Variants in EMC8 observed in about 807,000 individuals in gnomAD.
The protein encoded by EMC8 is COX4 neighbor.
Under a neutral mutation model 24.3 loss-of-function variants are expected in EMC8, and 11 were observed. The ratio of observed to expected loss-of-function variants is 0.45; its 90% CI spans 0.28 to 0.75. The LOEUF is 0.75. Ranked by LOEUF, EMC8 falls within the 30% of genes least tolerant of loss-of-function variation. The pLI is 0.12. For missense variants in EMC8, 277 were observed against 282.7 expected, an observed-to-expected ratio of 0.98 and a Z score of 0.14; for synonymous variants, 145 against 117.7, an observed-to-expected ratio of 1.23 and a Z score of -1.50.
intron 1 of EMC8, among the ~76,000 whole-genome samples, chr16:85,790,720 T>C (rs1904968305): frequency 6.6e-6 from 1 of 152,128 alleles, no homozygotes; most frequent in Non-Finnish European, 1.5e-5. Flanking sequence ...CCCCCGGGTG[T>C]CCCTATCCCT....
chr16:85,781,142 G>A (rs532450892), intron 3 of EMC8, 69 bp downstream of exon 3: 92 of 1,139,046 alleles, frequency 8.1e-5, no homozygotes, highest in Admixed American at 5.3e-4. Flanking sequence ...GGAAACCGCC[G>A]CAGAGCAAGC....
rs59617601 is a variant in EMC8, at chr16:85,779,699, G to A, written c.*9C>T. 1.2e-4 allele frequency: 200 copies of A among 1,613,452 alleles called. No homozygotes were observed. In the African/African-American group the frequency reaches 2.3e-3, roughly 18 times the overall value. Reference sequence around the variant, plus strand: ...GAAAGGCCCGGAGCCCAGTCACAGCGGTGCCTGCCTAGCACAAGTGTAGGA... The same window carrying A: ...GAAAGGCCCGGAGCCCAGTCACAGCAGTGCCTGCCTAGCACAAGTGTAGGA... On this transcript the variant is annotated 3_prime_UTR_variant, in exon 5 of 5. Coordinates refer to ENST00000253457, the MANE Select transcript of EMC8 (RefSeq NM_006067.5).
chr16:85,782,071 C>T (rs1448093921), intron 2 of EMC8, among the ~76,000 whole-genome samples: 3 of 152,194 alleles, frequency 2.0e-5, no homozygotes, highest in Non-Finnish European at 2.9e-5. Flanking sequence ...TAACGGAAGG[C>T]TCCCAGGAAG....
intron 1 of EMC8, among the ~76,000 whole-genome samples, chr16:85,793,616 C>T (rs1019838204): frequency 2.6e-5 from 4 of 152,120 alleles, no homozygotes; most frequent in South Asian, 2.1e-4. Flanking sequence ...GGGCAGCCGC[C>T]GTGCAGAGGA....
intron 2 of EMC8, among the ~76,000 whole-genome samples, chr16:85,785,255 A>AT (rs1904699899): frequency 6.6e-6 from 1 of 152,154 alleles, no homozygotes; most frequent in Non-Finnish European, 1.5e-5. Flanking sequence ...CCTAAAATTT[A>AT]TTATTTTAAA....
intron 1 of EMC8, among the ~76,000 whole-genome samples, chr16:85,789,914 G>A (rs1276626293): frequency 1.3e-5 from 2 of 152,178 alleles, no homozygotes; most frequent in Non-Finnish European, 2.9e-5. Context: ...AGGGGCACGT[G>A]CACATGTCCT....
In EMC8 at chr16:85,778,937, G is replaced by C. The variant is rs1171449886; in HGVS notation, c.*771C>G. 1.2e-4 allele frequency: 19 copies of C among 152,210 alleles called. No individual in the cohort carries two copies. 9.4% of individuals were successfully genotyped at this position (152,210 alleles called of 1,614,324 possible). On this transcript the variant is annotated 3_prime_UTR_variant, in exon 5 of 5. Coordinates refer to ENST00000253457, the MANE Select transcript of EMC8 (RefSeq NM_006067.5). ...ACAGACGTCACTCTGCACAACTCGG[G>C]AAGTCTAAGTCTTGTTTTTCCTAAT...
At chr16:85,789,222 G>C (rs988689192) in intron 1 of EMC8, among the ~76,000 whole-genome samples, 172 bp from the exon 2 acceptor site, 1 of 152,074 alleles carries the variant, frequency 6.6e-6, no homozygotes, top group African/African-American at 2.4e-5. Flanking sequence ...GGTCAGGAAG[G>C]GCAGGACTTT....
At position 85,779,550 on chromosome 16, in the gene EMC8, C is replaced by T. The variant is rs1051852366; in HGVS notation, c.*158G>A. On this transcript the variant is annotated 3_prime_UTR_variant, in exon 5 of 5. Coordinates refer to ENST00000253457, the MANE Select transcript of EMC8 (RefSeq NM_006067.5). ...TTCTAGAGACTCTGTGTTAAAAACA[C>T]GACCGACTGAACATTCTGCCCCCTT... 18 of 684,180 alleles carry T rather than the reference C, an allele frequency of 2.6e-5. No individual in the cohort carries two copies. The highest frequency in any genetic ancestry group is 3.6e-5 in the African/African-American group (2 of 55,548). The allele number at this position is 684,180 out of a possible 1,614,324, so 42.4% of individuals were successfully genotyped here. A position where few individuals can be genotyped will look rare whatever the true frequency, so the allele number is the denominator to read the frequency against.
rs1597198626 is a variant in EMC8, at chr16:85,780,989, G to A, written c.378+222C>T. ...AACAAGTTCCCAGGTGCTGCGGCTG[G>A]CAGGGGACCCCACTCCCACTTGTGT... On this transcript the variant is annotated intron_variant, in intron 3 of 4. Coordinates refer to ENST00000253457, the MANE Select transcript of EMC8 (RefSeq NM_006067.5). The A allele has an allele frequency of 8.9e-6, 5 of 563,778 alleles. No individual in the cohort carries two copies. The East Asian group carries it at 1.5e-4, about 17-fold the overall frequency. 34.9% of individuals were successfully genotyped at this position (563,778 alleles called of 1,614,324 possible).
At chr16:85,796,570 A>G (rs1009286661) in intron 1 of EMC8, among the ~76,000 whole-genome samples, 1 of 152,126 alleles carries the variant, frequency 6.6e-6, no homozygotes, top group Non-Finnish European at 1.5e-5. Context: ...CCTCTGCATG[A>G]TCTACAAGGT....
intron 1 of EMC8, among the ~76,000 whole-genome samples, chr16:85,790,674 G>A (rs1342567044): frequency 6.6e-6 from 1 of 152,110 alleles, no homozygotes; most frequent in East Asian, 1.9e-4. Flanking sequence ...CCGGCCTCCT[G>A]AGTGTGTCCT....
intron 1 of EMC8, among the ~76,000 whole-genome samples, chr16:85,796,477 G>T (rs1905247482): frequency 6.6e-6 from 1 of 152,144 alleles, no homozygotes; most frequent in African/African-American, 2.4e-5. Flanking sequence ...GCTGCAGGCT[G>T]GGGCCATCAC....
chr16:85,780,440 C>T lies in EMC8; in HGVS notation c.412G>A (p.Ala138Thr). 3 of 1,614,200 alleles carry T rather than the reference C, an allele frequency of 1.9e-6. No individual in the cohort carries two copies. The highest frequency in any genetic ancestry group is 2.5e-6 in the Non-Finnish European group (3 of 1,180,016). ...TGCTCGTACACGTGGATCGTAGGCGCTACGCAGTCCATCGTAAACTTGGTG... is the reference window on the plus strand; with the variant it reads ...TGCTCGTACACGTGGATCGTAGGCGTTACGCAGTCCATCGTAAACTTGGTG... ...DNTKFTMDCV[A>T]PTIHVYEHHE... Residue 138 changes from alanine (A) to threonine (T), a missense_variant, in exon 4 of 5, where the codon GCG becomes ACG. By Grantham distance (58) the Ala-to-Thr change is moderately conservative. Coordinates refer to ENST00000253457, the MANE Select transcript of EMC8 (RefSeq NM_006067.5).
At chr16:85,780,152 G>A (rs542844778) in intron 4 of EMC8, 7 of 602,158 alleles carry the variant, frequency 1.2e-5, no homozygotes, top group Non-Finnish European at 2.1e-5. Flanking sequence ...CCTGGGAAGA[G>A]TGTCTGTGCT....
rs376164668 is a variant in EMC8, at chr16:85,781,489, G to A, written c.309-209C>T. The A allele has an allele frequency of 5.6e-6, 3 of 536,504 alleles. No homozygotes were observed. In the South Asian group the frequency reaches 6.2e-5, roughly 11 times the overall value. 33.2% of individuals were successfully genotyped at this position (536,504 alleles called of 1,614,324 possible). ...TCTGCTGCCCTAGCTGGAGTGTAGT[G>A]ACGCAATCATAGCCCACTGTAACCT... is the stretch of plus-strand genomic sequence containing the variant. On this transcript the variant is annotated intron_variant, in intron 2 of 4. Transcript: ENST00000253457.
chr16:85,789,101 T>G (rs1401695824), intron 1 of EMC8, 51 bp from the exon 2 acceptor site: 1 of 1,252,254 alleles, frequency 8.0e-7, no homozygotes, highest in East Asian at 2.3e-5. Flanking sequence ...CCCTTAAATA[T>G]CAAGTCGTAA....
intron 1 of EMC8, among the ~76,000 whole-genome samples, chr16:85,791,981 A>G (rs537184497): frequency 2.6e-5 from 4 of 152,316 alleles, no homozygotes; most frequent in Non-Finnish European, 5.9e-5. Flanking sequence ...ACCATACCAT[A>G]CAACATTTTC....
Position 85,779,528 on chromosome 16 carries a change from T to C in EMC8, c.*180A>G, listed in dbSNP as rs1904389019. 3 of 591,138 alleles carry C rather than the reference T, an allele frequency of 5.1e-6. No homozygotes were observed. The highest frequency in any genetic ancestry group is 6.0e-5 in the East Asian group (2 of 33,458). The allele number at this position is 591,138 out of a possible 1,614,324, so 36.6% of individuals were successfully genotyped here. ...TCAGACGGGATGTCTGCACCTCTTC[T>C]AGAGACTCTGTGTTAAAAACACGAC... On this transcript the variant is annotated 3_prime_UTR_variant, in exon 5 of 5. Coordinates refer to ENST00000253457, the MANE Select transcript of EMC8 (RefSeq NM_006067.5).
Sources: allele counts gnomAD v4.1 joint callset (sites outside exome capture counted in the v4.1 genomes callset), GRCh38; gene constraint gnomAD v4.1.1; transcripts MANE v1.5; gene names NCBI Gene and HGNC (gene_info 2026-07-23, HGNC 2026-07-21).